The following TCF4 variants were observed in gnomAD, a reference collection of about 807,000 sequenced individuals.
TCF4 encodes SL3-3 enhancer factor 2.
A neutral mutation model predicts 82.1 loss-of-function variants in TCF4; 3 were observed. The observed-to-expected ratio is 0.04, with a 90% CI of 0.02 to 0.09. The LOEUF (loss-of-function observed/expected upper bound fraction) is 0.09, where lower values mean the gene tolerates loss of function less well. TCF4 is among the 10% of genes least tolerant of loss of function. TCF4 has a pLI of 1.00. For synonymous variants in TCF4, 276 were observed against 309.6 expected, an observed-to-expected ratio of 0.89 and a Z score of 1.14; for missense variants, 518 against 852.7, an observed-to-expected ratio of 0.61 and a Z score of 4.89.
intron 8 of TCF4, among the ~76,000 whole-genome samples, chr18:55,281,026 C>G (rs1411290418): frequency 6.6e-6 from 1 of 152,024 alleles, no homozygotes; most frequent in Non-Finnish European, 1.5e-5. Context: ...ACCAGAAAAG[C>G]CCACTCGCAC....
At chr18:55,464,750 T>C (rs1302006050) in intron 3 of TCF4, among the ~76,000 whole-genome samples, 2 of 152,142 alleles carry the variant, frequency 1.3e-5, no homozygotes, top group Non-Finnish European at 2.9e-5. Context: ...AGACATACCA[T>C]TTGGTCTATA....
chr18:55,584,346 TTA>T (rs2097610839), intron 3 of TCF4, among the ~76,000 whole-genome samples: 2 of 152,180 alleles, frequency 1.3e-5, no homozygotes, highest in African/African-American at 4.8e-5. Context: ...TAATGTACTG[TTA>T]TATACCATTG....
At chr18:55,462,102 C>A (rs1035935060) in intron 4 of TCF4, among the ~76,000 whole-genome samples, 3 of 152,136 alleles carry the variant, frequency 2.0e-5, no homozygotes, top group Admixed American at 6.6e-5. Context: ...GAGAGGGCTG[C>A]TGCATGAACA....
At position 55,509,232 on chromosome 18, in the gene TCF4, T is replaced by TA. The variant is rs796683440; in HGVS notation, c.146-45096dup. 6.7e-3 allele frequency among the ~76,000 whole-genome samples: 1,015 copies of TA among 151,554 alleles called. 16 individuals carry two copies. The highest frequency in any genetic ancestry group is 0.023 in the African/African-American group (947 of 41,306). On this transcript the variant is annotated intron_variant, in intron 3 of 19. Coordinates refer to ENST00000354452, the MANE Select transcript of TCF4 (RefSeq NM_001083962.2). ...CAGGGCAGGTTTTTAAACCATTATA[T>TA]AAAAAAAAACTTTGATATAATCTAA...
rs1197927659 is a variant in TCF4 at position 55,534,439 on chromosome 18, A to C, written c.145+50841T>G. Among the ~76,000 whole-genome samples the C allele has an allele frequency of 2.0e-5, 3 of 152,214 alleles. No individual in the cohort carries two copies. The East Asian group carries it at 5.8e-4, about 29-fold the overall frequency. ...TGAGGAAGAGACACATAAGTGAGGG[A>C]TGGTAGACTTGGGAAGGGGCTCCAA... On this transcript the variant is annotated intron_variant, in intron 3 of 19. Coordinates refer to ENST00000354452, the MANE Select transcript of TCF4 (RefSeq NM_001083962.2).
At chr18:55,229,395 T>C (rs918139966) in intron 17 of TCF4, 6 of 409,504 alleles carry the variant, frequency 1.5e-5, no homozygotes, top group African/African-American at 6.1e-5. Flanking sequence ...TTTTATTCAA[T>C]GGGGTTACAC....
At chr18:55,549,232 C>T (rs565035423) in intron 3 of TCF4, among the ~76,000 whole-genome samples, 4 of 152,014 alleles carry the variant, frequency 2.6e-5, no homozygotes, top group African/African-American at 7.2e-5. Context: ...GCCCAGGAGG[C>T]GGAGGCTGCA....
intron 15 of TCF4, among the ~76,000 whole-genome samples, chr18:55,241,236 T>G (rs1395996744): frequency 6.6e-6 from 1 of 152,244 alleles, no homozygotes; most frequent in Non-Finnish European, 1.5e-5. Flanking sequence ...TTCCATCTAT[T>G]AAAACTGTTT....
At chr18:55,415,715 A>G (rs1358690155) in intron 5 of TCF4, among the ~76,000 whole-genome samples, 1 of 152,206 alleles carries the variant, frequency 6.6e-6, no homozygotes, top group African/African-American at 2.4e-5. Context: ...AGATTTGTAC[A>G]GAAGTGAGCT....
At chr18:55,575,080 G>A (rs2097515772) in intron 3 of TCF4, among the ~76,000 whole-genome samples, 1 of 151,800 alleles carries the variant, frequency 6.6e-6, no homozygotes, top group Non-Finnish European at 1.5e-5. Flanking sequence ...CTTACAAGTG[G>A]GACACTACAA....
chr18:55,424,077 G>A (rs1334894844), intron 5 of TCF4, among the ~76,000 whole-genome samples: 1 of 152,102 alleles, frequency 6.6e-6, no homozygotes, highest in Non-Finnish European at 1.5e-5. Flanking sequence ...TGACTGCTTG[G>A]CTGCGGCACC....
intron 3 of TCF4, among the ~76,000 whole-genome samples, chr18:55,576,394 G>A (rs1434586773): frequency 6.6e-6 from 1 of 151,988 alleles, no homozygotes; most frequent in African/African-American, 2.4e-5. Flanking sequence ...GATTATAATC[G>A]GTAACACCCC....
intron 8 of TCF4, among the ~76,000 whole-genome samples, chr18:55,294,366 G>A (rs73960223): frequency 0.032 from 4,920 of 152,176 alleles, 258 homozygotes; most frequent in African/African-American, 0.11. Context: ...AAAGATTGTG[G>A]TTTAGAGCAC....
intron 14 of TCF4, 43 bp from the exon 15 acceptor site, chr18:55,254,743 G>C (rs779669218): frequency 1.4e-5 from 21 of 1,554,650 alleles, no homozygotes; most frequent in South Asian, 7.0e-5. Context: ...TAGTTCAAAA[G>C]GGGTGCCTAA....
chr18:55,494,157 G>GACACACACACACACACAA (rs1555696601), intron 3 of TCF4, among the ~76,000 whole-genome samples: 2 of 147,622 alleles, frequency 1.4e-5, no homozygotes, highest in Non-Finnish European at 1.5e-5. Context: ...AAATATTATG[G>GACACACACACACACACAA]ACACACACAC....
At chr18:55,273,350 A>G (rs1275329388) in intron 10 of TCF4, among the ~76,000 whole-genome samples, 1 of 152,180 alleles carries the variant, frequency 6.6e-6, no homozygotes, top group East Asian at 1.9e-4. Flanking sequence ...CAAATAATCC[A>G]GGAACAGCGC....
chr18:55,241,155 A>G (rs2051082513), intron 15 of TCF4, among the ~76,000 whole-genome samples: 1 of 152,256 alleles, frequency 6.6e-6, no homozygotes, highest in Non-Finnish European at 1.5e-5. Context: ...GAATGATTCT[A>G]TGATATAGTT....
At chr18:55,326,598 A>T (rs987016270) in intron 8 of TCF4, among the ~76,000 whole-genome samples, 4 of 152,136 alleles carry the variant, frequency 2.6e-5, no homozygotes, top group African/African-American at 9.7e-5. Context: ...ACTTAAAAAT[A>T]TAATTTCTGC....
At chr18:55,514,213 A>G (rs1470592377) in intron 3 of TCF4, among the ~76,000 whole-genome samples, 1 of 152,106 alleles carries the variant, frequency 6.6e-6, no homozygotes, top group African/African-American at 2.4e-5. Context: ...ATTAATGAAC[A>G]CTGACATTCT....
Sources: gnomAD v4.1 joint callset for allele counts (sites outside exome capture counted in the v4.1 genomes callset) on GRCh38, gnomAD v4.1.1 for gene constraint, MANE v1.5 for transcripts, NCBI Gene and HGNC (gene_info 2026-07-23, HGNC 2026-07-21) for gene names.